The following TTC29 variants were observed in gnomAD, a reference collection of about 807,000 sequenced individuals.
TTC29 encodes the protein tetratricopeptide repeat protein 29.
A neutral mutation model predicts 58.1 loss-of-function variants in TTC29; 49 were observed. That is an observed-to-expected ratio of 0.84 (90% CI 0.67 to 1.07). The LOEUF (loss-of-function observed/expected upper bound fraction) is 1.07. Ranked by LOEUF, TTC29 falls within the 50% of genes least tolerant of loss-of-function variation. The pLI, the probability that TTC29 is intolerant of heterozygous loss-of-function variation, is 0.00. For synonymous variants in TTC29, 209 were observed against 196.8 expected, an observed-to-expected ratio of 1.06 and a Z score of -0.52; for missense variants, 582 against 555.6, an observed-to-expected ratio of 1.05 and a Z score of -0.48.
Position 146,903,625 on chromosome 4 carries a change from T to A in TTC29, c.505A>T (p.Ile169Phe), listed in dbSNP as rs1321331264. The A allele has an allele frequency of 6.2e-7, 1 of 1,613,112 alleles. No homozygotes were observed. Among genetic ancestry groups the A allele is most frequent in the South Asian group, 1.1e-5 (1 of 90,924 alleles). The change falls in exon 6 of 13, where the codon ATT becomes TTT. Residue 169 changes from isoleucine (I) to phenylalanine (F), a missense_variant. By Grantham distance (21) the Ile-to-Phe change is conservative (BLOSUM62 0). Transcript: ENST00000325106. Reference protein sequence around the residue: ...RNHFYERCFKIAQLIKIDCGK... With the variant: ...RNHFYERCFKFAQLIKIDCGK... ...CAGTCAATTTTGATCAGCTGAGCAA[T>A]CTTAAAACATCGTTCATAGAAGTGG...
chr4:146,931,160 TA>T (rs1402819131), intron 4 of TTC29, among the ~76,000 whole-genome samples: 2 of 152,032 alleles, frequency 1.3e-5, no homozygotes, highest in East Asian at 3.9e-4. Context: ...CTGGGCAACA[TA>T]GTGAGACCCT....
chr4:146,804,906 A>T (rs573647431), intron 10 of TTC29, among the ~76,000 whole-genome samples: 1 of 152,314 alleles, frequency 6.6e-6, no homozygotes, highest in South Asian at 2.1e-4. Flanking sequence ...CTGCCTCCTC[A>T]AGTGGGTCCC....
At chr4:146,868,878 T>C (rs1730739127) in intron 7 of TTC29, among the ~76,000 whole-genome samples, 2 of 152,082 alleles carry the variant, frequency 1.3e-5, no homozygotes, top group Non-Finnish European at 2.9e-5. Context: ...CCCTCATGAA[T>C]GTCTTGGTGC....
chr4:146,938,696 G>A (rs1439357380), intron 3 of TTC29, among the ~76,000 whole-genome samples: 1 of 152,088 alleles, frequency 6.6e-6, no homozygotes, highest in Non-Finnish European at 1.5e-5. Flanking sequence ...TAGTTTAGCT[G>A]AATGTATTTA....
intron 4 of TTC29, among the ~76,000 whole-genome samples, chr4:146,909,857 T>C (rs1733778966): frequency 6.6e-6 from 1 of 151,974 alleles, no homozygotes; most frequent in African/African-American, 2.4e-5. Context: ...GACAAATAGG[T>C]GCTGAGTTTC....
intron 8 of TTC29, among the ~76,000 whole-genome samples, chr4:146,838,426 C>T (rs1728649099): frequency 6.6e-6 from 1 of 151,780 alleles, no homozygotes; most frequent in African/African-American, 2.4e-5. Context: ...ATCTATCTGT[C>T]TTAGAGAAAG....
chr4:146,791,848 G>A (rs563145643), intron 11 of TTC29, among the ~76,000 whole-genome samples: 1 of 152,178 alleles, frequency 6.6e-6, no homozygotes, highest in Non-Finnish European at 1.5e-5. Flanking sequence ...CTGATATGGA[G>A]AAACTTTTAG....
intron 11 of TTC29, among the ~76,000 whole-genome samples, chr4:146,748,756 A>T (rs1180521157): frequency 6.6e-6 from 1 of 152,220 alleles, no homozygotes; most frequent in South Asian, 2.1e-4. Flanking sequence ...GTCTTTCCCT[A>T]CAAAAGCTAT....
intron 6 of TTC29, 33 bp downstream of exon 6, chr4:146,903,511 A>G: frequency 6.4e-7 from 1 of 1,571,252 alleles, no homozygotes; most frequent in South Asian, 1.2e-5. Context: ...CCACCAAAAC[A>G]TACCCAAGGC....
intron 9 of TTC29, among the ~76,000 whole-genome samples, chr4:146,831,391 G>T (rs6836696): frequency 0.062 from 9,481 of 152,206 alleles, 396 homozygotes; most frequent in Admixed American, 0.13. Context: ...GAGCCATTGT[G>T]CCTGGCCAGG....
chr4:146,929,040 A>G (rs1027893939), intron 4 of TTC29, among the ~76,000 whole-genome samples: 10 of 152,170 alleles, frequency 6.6e-5, no homozygotes, highest in African/African-American at 1.2e-4. Context: ...ATCATCTAAG[A>G]GTTTTGGAAG....
intron 4 of TTC29, among the ~76,000 whole-genome samples, chr4:146,931,085 G>A (rs1735302972): frequency 6.6e-6 from 1 of 152,040 alleles, no homozygotes; most frequent in African/African-American, 2.4e-5. Flanking sequence ...GCTCACAGCT[G>A]TAATGCCAGC....
chr4:146,923,071 T>TA (rs1307419231), intron 4 of TTC29, among the ~76,000 whole-genome samples: 1 of 151,764 alleles, frequency 6.6e-6, no homozygotes, highest in Non-Finnish European at 1.5e-5. Context: ...TTGAAACGGA[T>TA]AAAAAATTAT....
chr4:146,778,692 G>T (rs1748306268), intron 11 of TTC29, among the ~76,000 whole-genome samples: 1 of 152,010 alleles, frequency 6.6e-6, no homozygotes, highest in African/African-American at 2.4e-5. Context: ...GAGCAACAAA[G>T]AGCAACTTTG....
At chr4:146,851,916 C>T (rs1041007650) in intron 8 of TTC29, among the ~76,000 whole-genome samples, 1 of 152,164 alleles carries the variant, frequency 6.6e-6, no homozygotes, top group Non-Finnish European at 1.5e-5. Flanking sequence ...AGCAGTGGGT[C>T]ATTTCTAGCC....
intron 11 of TTC29, among the ~76,000 whole-genome samples, chr4:146,771,001 A>C (rs1251767663): frequency 6.6e-6 from 1 of 152,100 alleles, no homozygotes; most frequent in African/African-American, 2.4e-5. Flanking sequence ...ATTTTCTATT[A>C]GTTCTAAAGT....
At position 146,832,510 on chromosome 4, in the gene TTC29, G is replaced by A. The variant is rs539249198; in HGVS notation, c.977+1296C>T. ...TTTCCTTATTTTTTGAGACAGTTTC[G>A]CTCTTGATGCCCTGGCTGGAGTGCA... On this transcript the variant is annotated intron_variant, in intron 9 of 12. Coordinates refer to ENST00000325106, the MANE Select transcript of TTC29 (RefSeq NM_031956.4). Among the ~76,000 whole-genome samples the A allele has an allele frequency of 7.2e-5, 11 of 151,972 alleles. No homozygotes were observed. In the East Asian group the frequency reaches 9.7e-4, roughly 13 times the overall value.
chr4:146,832,244 C>CTGT (rs1481883397), intron 9 of TTC29, among the ~76,000 whole-genome samples: 1 of 152,210 alleles, frequency 6.6e-6, no homozygotes, highest in African/African-American at 2.4e-5. Context: ...AATGTACAAT[C>CTGT]AACAGAGTTG....
chr4:146,788,367 C>T (rs1749188639), intron 11 of TTC29, among the ~76,000 whole-genome samples: 1 of 152,162 alleles, frequency 6.6e-6, no homozygotes, highest in African/African-American at 2.4e-5. Context: ...GCACATTATT[C>T]CATCCATAGT....
Sources: allele counts gnomAD v4.1 joint callset (sites outside exome capture counted in the v4.1 genomes callset), GRCh38; gene constraint gnomAD v4.1.1; transcripts MANE v1.5; gene names NCBI Gene and HGNC (gene_info 2026-07-23, HGNC 2026-07-21).